The following SGIP1 variants were observed in gnomAD, a reference collection of about 807,000 sequenced individuals.
The protein encoded by SGIP1 is SH3-containing GRB2-like protein 3-interacting protein 1.
In SGIP1, 38 loss-of-function variants were observed where a neutral mutation model predicts 107.5. The ratio of observed to expected loss-of-function variants is 0.35; its 90% CI spans 0.27 to 0.46. SGIP1 has a LOEUF of 0.46. SGIP1 is among the 20% of genes least tolerant of loss of function. SGIP1 has a pLI of 1.00. For missense variants in SGIP1, 929 were observed against 1,019.5 expected, an observed-to-expected ratio of 0.91 and a Z score of 1.21; for synonymous variants, 365 against 366.1, an observed-to-expected ratio of 1.00 and a Z score of 0.03.
chr1:66,595,834 C>T (rs1174708732), intron 1 of SGIP1, among the ~76,000 whole-genome samples: 1 of 152,146 alleles, frequency 6.6e-6, no homozygotes, highest in Non-Finnish European at 1.5e-5. Context: ...ATGGTACATA[C>T]TGTATGAGTC....
intron 15 of SGIP1, among the ~76,000 whole-genome samples, chr1:66,682,948 A>G (rs1044581220): frequency 1.3e-5 from 2 of 152,120 alleles, no homozygotes; most frequent in South Asian, 2.1e-4. Context: ...AAAAAATGGG[A>G]TACATATATT....
rs1296326365 is a variant in SGIP1 at position 66,747,147 on chromosome 1, T to C, written c.*4052T>C. 6.6e-6 allele frequency: 1 copy of C among 152,074 alleles called. No homozygotes were observed. The highest frequency in any genetic ancestry group is 1.5e-5 in the Non-Finnish European group (1 of 67,932). 9.4% of individuals were successfully genotyped at this position (152,074 alleles called of 1,614,324 possible). ...CATGTATAATCAAGTTCATACAAGCTATACACAGTAGGCATCGATAAATTT... is the reference window on the plus strand; with the variant it reads ...CATGTATAATCAAGTTCATACAAGCCATACACAGTAGGCATCGATAAATTT... On this transcript the variant is annotated 3_prime_UTR_variant, in exon 25 of 25. Transcript: ENST00000371037.
chr1:66,561,336 A>T (rs562826850), intron 1 of SGIP1, among the ~76,000 whole-genome samples: 1 of 152,028 alleles, frequency 6.6e-6, no homozygotes, highest in South Asian at 2.1e-4. Flanking sequence ...TGATATGGGC[A>T]TACATAGACT....
chr1:66,690,758 C>T (rs896069553), intron 17 of SGIP1, among the ~76,000 whole-genome samples: 1 of 152,044 alleles, frequency 6.6e-6, no homozygotes, highest in Non-Finnish European at 1.5e-5. Flanking sequence ...TTTGGTTGTC[C>T]TTATGTTGAC....
At chr1:66,668,573 G>C (rs2083100357) in intron 9 of SGIP1, among the ~76,000 whole-genome samples, 1 of 152,182 alleles carries the variant, frequency 6.6e-6, no homozygotes, top group Non-Finnish European at 1.5e-5. Flanking sequence ...AGTCCCTTAA[G>C]AGAGGAAATG....
intron 1 of SGIP1, among the ~76,000 whole-genome samples, chr1:66,569,495 T>G (rs1487391932): frequency 1.3e-5 from 2 of 151,970 alleles, no homozygotes; most frequent in Middle Eastern, 3.2e-3. Context: ...TTTAAGAATG[T>G]GATTTTTCTT....
chr1:66,591,059 A>T (rs2063543376), intron 1 of SGIP1, among the ~76,000 whole-genome samples: 1 of 152,164 alleles, frequency 6.6e-6, no homozygotes. Context: ...TATATCATGC[A>T]CCCACAGTAA....
At chr1:66,694,416 G>A (rs758705580) in intron 17 of SGIP1, 17 of 1,599,670 alleles carry the variant, frequency 1.1e-5, no homozygotes, top group African/African-American at 2.7e-5. Context: ...TTTTCCATTC[G>A]TTTATGTTTC....
chr1:66,566,871 C>T (rs1253563886), intron 1 of SGIP1, among the ~76,000 whole-genome samples: 2 of 151,940 alleles, frequency 1.3e-5, no homozygotes, highest in African/African-American at 2.4e-5. Context: ...TGCCCCCCAC[C>T]CCCTAACAGG....
At chr1:66,615,043 A>G (rs984590245) in intron 1 of SGIP1, among the ~76,000 whole-genome samples, 2 of 151,222 alleles carry the variant, frequency 1.3e-5, no homozygotes, top group African/African-American at 4.9e-5. Context: ...CTGGTCTCGA[A>G]CTCCTGACCT....
chr1:66,581,346 G>T (rs1013641300), intron 1 of SGIP1, among the ~76,000 whole-genome samples: 1 of 151,700 alleles, frequency 6.6e-6, no homozygotes, highest in Non-Finnish European at 1.5e-5. Context: ...TGTAAATAGG[G>T]GTAATAATAT....
At chr1:66,632,847 G>T (rs2075055894) in intron 2 of SGIP1, among the ~76,000 whole-genome samples, 1 of 152,072 alleles carries the variant, frequency 6.6e-6, no homozygotes, top group Non-Finnish European at 1.5e-5. Context: ...GTGGCTTTGG[G>T]CTGCAATTTT....
At chr1:66,698,882 C>T (rs2091438548) in intron 18 of SGIP1, among the ~76,000 whole-genome samples, 1 of 151,374 alleles carries the variant, frequency 6.6e-6, no homozygotes, top group African/African-American at 2.4e-5. Flanking sequence ...GCTTTTTTAA[C>T]TACAAAATCA....
At chr1:66,589,212 A>ATGTGTGTGTGTGTG (rs1203908242) in intron 1 of SGIP1, among the ~76,000 whole-genome samples, 1 of 89,764 alleles carries the variant, frequency 1.1e-5, no homozygotes, top group African/African-American at 4.8e-5. Flanking sequence ...ATATATATAT[A>ATGTGTGTGTGTGTG]TATATGTAAG....
intron 1 of SGIP1, among the ~76,000 whole-genome samples, chr1:66,613,544 G>A (rs2068508583): frequency 6.6e-6 from 1 of 152,050 alleles, no homozygotes; most frequent in Non-Finnish European, 1.5e-5. Context: ...TGGCCAGGCT[G>A]GTCTCCAACT....
At position 66,678,715 on chromosome 1, in the gene SGIP1, C is replaced by T. The variant is rs544287877; in HGVS notation, c.740-963C>T. On this transcript the variant is annotated intron_variant, in intron 13 of 24. Transcript: ENST00000371037. The stretch of plus-strand genomic sequence containing the variant: ...CTACCTAAAAATAATAAATAAAGTA[C>T]GGGAAGGGGAGGAGGAGGGAGGAAT... 4.6e-5 allele frequency among the ~76,000 whole-genome samples: 7 copies of T among 152,048 alleles called. No individual in the cohort carries two copies. In the South Asian group the frequency reaches 1.2e-3, roughly 27 times the overall value.
At chr1:66,699,957 T>G (rs531462110) in intron 18 of SGIP1, among the ~76,000 whole-genome samples, 59 of 152,282 alleles carry the variant, frequency 3.9e-4, no homozygotes, top group African/African-American at 1.4e-3. Flanking sequence ...AACTAACATC[T>G]GAGTATTTAC....
chr1:66,534,043 G>A (rs1275705197), upstream of SGIP1: 2 of 467,868 alleles, frequency 4.3e-6, no homozygotes, highest in African/African-American at 3.9e-5. Context: ...ATTGTGTCAG[G>A]AGATGCAGGC....
In SGIP1 at chr1:66,615,495, A is replaced by G. The variant is rs1293643297; in HGVS notation, c.11-10352A>G. On this transcript the variant is annotated intron_variant, in intron 1 of 24. Transcript: ENST00000371037. Reference sequence around the variant, plus strand: ...ACTTGAACGATTAAATGATACATGTAGTAAGAATTTATAGATTTTACCAAA... The same window carrying G: ...ACTTGAACGATTAAATGATACATGTGGTAAGAATTTATAGATTTTACCAAA... Among the ~76,000 whole-genome samples, 8 of 152,230 alleles carry G rather than the reference A, an allele frequency of 5.3e-5. No individual in the cohort carries two copies. In the East Asian group the frequency reaches 1.5e-3, roughly 29 times the overall value.
Sources: allele counts gnomAD v4.1 joint callset (sites outside exome capture counted in the v4.1 genomes callset), GRCh38; gene constraint gnomAD v4.1.1; transcripts MANE v1.5; gene names NCBI Gene and HGNC (gene_info 2026-07-23, HGNC 2026-07-21).